UBR4: variants seen among roughly 807,000 people sequenced by gnomAD.
UBR4 encodes E3 ubiquitin-protein ligase UBR4.
Under a neutral mutation model 575.6 loss-of-function variants are expected in UBR4, and 124 were observed. The observed-to-expected ratio is 0.22, with a 90% CI of 0.19 to 0.25. UBR4 has a LOEUF of 0.25. Ranked by LOEUF, UBR4 falls within the 10% of genes least tolerant of loss-of-function variation. The pLI, the probability that UBR4 is intolerant of heterozygous loss-of-function variation, is 1.00. For synonymous variants in UBR4, 2,455 were observed against 2,473.7 expected (o/e 0.99, Z 0.22); for missense variants, 4,818 against 6,478.8 (o/e 0.74, Z 8.80).
intron 105 of UBR4, among the ~76,000 whole-genome samples, chr1:19,076,469 C>T (rs1253938523): frequency 6.6e-6 from 1 of 152,250 alleles, no homozygotes; most frequent in Non-Finnish European, 1.5e-5. Flanking sequence ...AAGCTCCTGC[C>T]TCATATAGGG....
intron 66 of UBR4, 112 bp from the exon 67 acceptor site, chr1:19,122,124 ATCT>A (rs1371890233): frequency 9.7e-7 from 1 of 1,033,434 alleles, no homozygotes; most frequent in Non-Finnish European, 1.5e-6. Context: ...CCTGAACATG[ATCT>A]TCTGAGCAAG....
intron 90 of UBR4, 131 bp downstream of exon 90, chr1:19,099,466 C>T: frequency 1.3e-6 from 1 of 750,382 alleles, no homozygotes; most frequent in Non-Finnish European, 2.2e-6. Flanking sequence ...CAACCCCAAA[C>T]AGGGACAGTA....
At chr1:19,174,024 C>T (rs1028019555) in intron 22 of UBR4, among the ~76,000 whole-genome samples, 2 of 152,120 alleles carry the variant, frequency 1.3e-5, no homozygotes, top group African/African-American at 4.8e-5. Flanking sequence ...AAATCTCAAG[C>T]GTGAGGCTTT....
intron 73 of UBR4, among the ~76,000 whole-genome samples, chr1:19,116,606 T>C (rs529827877): frequency 4.6e-5 from 7 of 152,208 alleles, no homozygotes; most frequent in Admixed American, 6.5e-5. Flanking sequence ...CTCCCTTCAG[T>C]AGCAATGCCT....
At chr1:19,131,441 T>C (rs2082444615) in intron 60 of UBR4, among the ~76,000 whole-genome samples, 1 of 152,162 alleles carries the variant, frequency 6.6e-6, no homozygotes, top group African/African-American at 2.4e-5. Flanking sequence ...GAAAAAAGGT[T>C]AATTTAAAAC....
Position 19,077,331 on chromosome 1 carries a change from C to T in UBR4, c.15325-429G>A, listed in dbSNP as rs1321123934. Among the ~76,000 whole-genome samples the T allele has an allele frequency of 2.0e-5, 3 of 152,192 alleles. No individual in the cohort carries two copies. The East Asian group carries it at 5.8e-4, about 29-fold the overall frequency. On this transcript the variant is annotated intron_variant, in intron 104 of 105. Transcript: ENST00000375254. ...GTCAGACTCACTCAGGGCAACAGAGCTTATCCCAATAGCACGGCAAGAGCA... is the reference window on the plus strand; with the variant it reads ...GTCAGACTCACTCAGGGCAACAGAGTTTATCCCAATAGCACGGCAAGAGCA...
At chr1:19,209,141 C>T (rs534493951) in intron 1 of UBR4, among the ~76,000 whole-genome samples, 2 of 152,272 alleles carry the variant, frequency 1.3e-5, no homozygotes, top group South Asian at 2.1e-4. Flanking sequence ...AATTTTTAAC[C>T]TCTGGATAGC....
chr1:19,109,229 G>C (rs1021260097), intron 81 of UBR4, among the ~76,000 whole-genome samples: 7 of 152,378 alleles, frequency 4.6e-5, no homozygotes, highest in Admixed American at 1.3e-4. Context: ...TGGTGGCAGA[G>C]CCTTAGGCAT....
At position 19,137,391 on chromosome 1, in the gene UBR4, T is replaced by C. The variant is rs2083317275; in HGVS notation, c.8906+616A>G. On this transcript the variant is annotated intron_variant, in intron 60 of 105. Transcript: ENST00000375254. The stretch of plus-strand genomic sequence containing the variant: ...TCAACAAACATTGTATCATGAGTCT[T>C]ATTTTCAGGTTTTTCTTCTATTTCT... Among the ~76,000 whole-genome samples the C allele has an allele frequency of 2.0e-5, 3 of 152,190 alleles. No homozygotes were observed. The South Asian group carries it at 6.2e-4, about 32-fold the overall frequency.
Position 19,122,958 on chromosome 1 carries a change from G to A in UBR4, c.9691C>T (p.His3231Tyr). The A allele has an allele frequency of 6.2e-7, 1 of 1,614,240 alleles. No individual in the cohort carries two copies. The highest frequency in any genetic ancestry group is 1.1e-5 in the South Asian group (1 of 91,090). Residue 3231 changes from histidine (H) to tyrosine (Y), a missense_variant, in exon 66 of 106, where the codon CAC becomes TAC. Around this residue, in one of 29 missense-constraint regions of UBR4, gnomAD observed 550 missense variants for 791.5 expected, o/e 0.69. Coordinates refer to ENST00000375254, the MANE Select transcript of UBR4 (RefSeq NM_020765.3). The part of the protein sequence containing the change: ...KEKYRQLRDL[H>Y]TLDSHVRGIK... ...CCACGCACGTGAGAGTCCAGGGTGT[G>A]CAAATCCCGGAGCTGGCGGTACTTC...
At chr1:19,104,489 C>G (rs562289889) in intron 86 of UBR4, 96 bp downstream of exon 86, 2 of 1,380,268 alleles carry the variant, frequency 1.4e-6, no homozygotes, top group Non-Finnish European at 2.0e-6. Flanking sequence ...AGGTCAGTAC[C>G]AGAGAGAAGA....
intron 87 of UBR4, among the ~76,000 whole-genome samples, chr1:19,103,223 G>C (rs2078832445): frequency 6.6e-6 from 1 of 152,142 alleles, no homozygotes; most frequent in South Asian, 2.1e-4. Context: ...TCAAATTTTA[G>C]AATTATCAGA....
At chr1:19,172,562 G>A (rs2089728515) in intron 25 of UBR4, among the ~76,000 whole-genome samples, 1 of 152,046 alleles carries the variant, frequency 6.6e-6, no homozygotes, top group Admixed American at 6.5e-5. Context: ...CATTTAAGGA[G>A]CTTTAACTCA....
chr1:19,178,452 G>A (rs2090521965), intron 18 of UBR4, among the ~76,000 whole-genome samples: 1 of 152,098 alleles, frequency 6.6e-6, no homozygotes, highest in Non-Finnish European at 1.5e-5. Context: ...GATTCCACCA[G>A]GAAAAATATA....
Position 19,089,599 on chromosome 1 carries a change from G to A in UBR4, c.14212-622C>T, listed in dbSNP as rs138421995. On this transcript the variant is annotated intron_variant, in intron 97 of 105. Coordinates refer to ENST00000375254, the MANE Select transcript of UBR4 (RefSeq NM_020765.3). This position sits in a 1 kb window ranked among gnomAD's most constrained non-coding sequence, Gnocchi z 4.3. ...CTACGTATAGCGCTATGTGATAAAC[G>A]GGGGTGGAGAACATCAGAAGGCTAA... is the stretch of plus-strand genomic sequence containing the variant. 1.3e-3 allele frequency among the ~76,000 whole-genome samples: 191 copies of A among 152,320 alleles called. No homozygotes were observed. The highest frequency in any genetic ancestry group is 3.9e-3 in the African/African-American group (164 of 41,566).
chr1:19,172,977 A>G lies in UBR4; in HGVS notation c.3408T>C (p.Asp1136=). ...CAGCAGCCATCTTAGAAAAATGCTC[A>G]TCCAAAGAGACCTGGACCTTTGAGA... is the stretch of plus-strand genomic sequence containing the variant. ...AAISKVQVSL[D]EHFSKMAAET... Residue 1136 remains aspartate, a synonymous_variant, in exon 25 of 106, where the codon GAT becomes GAC. Transcript: ENST00000375254. 6.2e-7 allele frequency: 1 copy of G among 1,614,166 alleles called. No individual in the cohort carries two copies. The highest frequency in any genetic ancestry group is 8.5e-7 in the Non-Finnish European group (1 of 1,180,030).
At chr1:19,075,559 A>G (rs1458377932) in intron 105 of UBR4, 1 of 157,164 alleles carries the variant, frequency 6.4e-6, no homozygotes, top group Non-Finnish European at 1.4e-5. Context: ...TGGAGTTAAC[A>G]AACACACAGA....
chr1:19,141,626 C>A (rs1328595065), intron 56 of UBR4, 21 bp downstream of exon 56: 1 of 1,612,932 alleles, frequency 6.2e-7, no homozygotes, highest in East Asian at 2.2e-5. Flanking sequence ...TCCTCCCCTT[C>A]TCCTGCTGCC....
At chr1:19,161,465 G>A (rs759836556) in intron 37 of UBR4, 124 bp downstream of exon 37, 35 of 1,310,188 alleles carry the variant, frequency 2.7e-5, no homozygotes, top group Non-Finnish European at 3.6e-5. Context: ...GATCATCGAT[G>A]AGTGAGCTGG....
Sources: allele counts gnomAD v4.1 joint callset (sites outside exome capture counted in the v4.1 genomes callset), GRCh38; gene constraint gnomAD v4.1.1; regional missense constraint gnomAD v4.1.1; non-coding constraint Gnocchi (gnomAD v3.1); transcripts MANE v1.5; gene names NCBI Gene and HGNC (gene_info 2026-07-23, HGNC 2026-07-21).